Variants in SCUBE1 observed in about 807,000 individuals in gnomAD.
SCUBE1 encodes signal peptide, CUB and EGF-like domain-containing protein 1.
Under a neutral mutation model 124.4 loss-of-function variants are expected in SCUBE1, and 59 were observed. That is an observed-to-expected ratio of 0.47 (90% confidence interval 0.38 to 0.59). The LOEUF is 0.59. SCUBE1 is among the 20% of genes least tolerant of loss of function. The probability of loss-of-function intolerance (pLI) is 0.00; values close to 1 mark genes in which losing one functional copy is unlikely to be tolerated. For synonymous variants in SCUBE1, 545 were observed against 550.9 expected, an observed-to-expected ratio of 0.99 and a Z score of 0.15; for missense variants, 1,150 against 1,371.2, an observed-to-expected ratio of 0.84 and a Z score of 2.55.
rs185530600 is a variant in SCUBE1 at position 43,285,934 on chromosome 22, G to A, written c.484+5112C>T. Among the ~76,000 whole-genome samples the A allele has an allele frequency of 3.1e-4, 47 of 152,344 alleles. No homozygotes were observed. The East Asian group carries it at 7.5e-3, about 24-fold the overall frequency. On this transcript the variant is annotated intron_variant, in intron 4 of 21. Coordinates refer to ENST00000360835, the MANE Select transcript of SCUBE1 (RefSeq NM_173050.5). ...ACCTGGGTGCAAGGACCACCAGCTC[G>A]CTAGTTTGTCGAGGACAAAGCTGGC... is the stretch of plus-strand genomic sequence containing the variant.
chr22:43,342,166 C>G (rs377270910), intron 1 of SCUBE1, among the ~76,000 whole-genome samples: 2 of 145,518 alleles, frequency 1.4e-5, no homozygotes, highest in African/African-American at 2.5e-5. Flanking sequence ...AGCAGAGCAC[C>G]GGAGGAAGCG....
At position 43,246,074 on chromosome 22, in the gene SCUBE1, G is replaced by A. The variant is rs559771039; in HGVS notation, c.728-7120C>T. On this transcript the variant is annotated intron_variant, in intron 6 of 21. Coordinates refer to ENST00000360835, the MANE Select transcript of SCUBE1 (RefSeq NM_173050.5). ...AGATGCCCACCCAGGAGCAAGACAA[G>A]CCGACCTCAGGAGAGGTCTCCTCAC... Among the ~76,000 whole-genome samples, 80 of 152,284 alleles carry A rather than the reference G, an allele frequency of 5.3e-4. 1 individual carries two copies. The East Asian group carries it at 0.014, about 27-fold the overall frequency.
intron 4 of SCUBE1, among the ~76,000 whole-genome samples, chr22:43,279,161 A>G (rs933472269): frequency 2.6e-5 from 4 of 152,128 alleles, no homozygotes; most frequent in Admixed American, 6.5e-5. Flanking sequence ...TGCTGGGGAG[A>G]AACACTAGGT....
intron 8 of SCUBE1, among the ~76,000 whole-genome samples, chr22:43,229,527 T>C (rs1050724117): frequency 3.9e-5 from 6 of 152,132 alleles, no homozygotes; most frequent in African/African-American, 1.4e-4. Flanking sequence ...AGGCATTGAA[T>C]CCACGCCTGC....
chr22:43,207,393 C>T (rs1921333817), intron 21 of SCUBE1, 141 bp downstream of exon 21: 1 of 682,592 alleles, frequency 1.5e-6, no homozygotes, highest in East Asian at 2.7e-5. Flanking sequence ...GCTCTGGGAC[C>T]CCCAAGCCTC....
intron 6 of SCUBE1, among the ~76,000 whole-genome samples, chr22:43,248,976 G>A (rs932249739): frequency 4.6e-5 from 7 of 152,214 alleles, no homozygotes; most frequent in African/African-American, 9.7e-5. Flanking sequence ...CTGAGGGGGG[G>A]CACCAAGCTG....
At chr22:43,286,340 G>C (rs949700205) in intron 4 of SCUBE1, among the ~76,000 whole-genome samples, 1 of 152,260 alleles carries the variant, frequency 6.6e-6, no homozygotes, top group Admixed American at 6.5e-5. Context: ...CTGTGAGCCT[G>C]TGCTGTCTCC....
chr22:43,322,859 T>C (rs1242656468), intron 2 of SCUBE1, among the ~76,000 whole-genome samples: 5 of 152,346 alleles, frequency 3.3e-5, no homozygotes, highest in Admixed American at 3.3e-4. Flanking sequence ...ATCTTGTACC[T>C]CAGAAGGAGG....
At chr22:43,323,455 A>G (rs949070239) in intron 2 of SCUBE1, among the ~76,000 whole-genome samples, 1 of 151,934 alleles carries the variant, frequency 6.6e-6, no homozygotes, top group Admixed American at 6.6e-5. Context: ...CATTTCTCCA[A>G]TCACCTATTC....
rs558540742 is a variant in SCUBE1, at chr22:43,227,093, C to T, written c.1207+281G>A. 5.3e-5 allele frequency among the ~76,000 whole-genome samples: 8 copies of T among 152,334 alleles called. 1 individual carries two copies. In the South Asian group the frequency reaches 1.7e-3, roughly 32 times the overall value. ...CCCTGTGCCCCACGGCTGGGCTGCA[C>T]ATGGACCTGCAGATCTCCTCTGTGC... On this transcript the variant is annotated intron_variant, in intron 10 of 21. Transcript: ENST00000360835.
At chr22:43,228,555 C>T (rs572100041) in intron 9 of SCUBE1, among the ~76,000 whole-genome samples, 6 of 152,322 alleles carry the variant, frequency 3.9e-5, no homozygotes, top group Admixed American at 2.0e-4. Context: ...GCCCCCTATC[C>T]GCATCTTCCT....
At chr22:43,269,354 C>G (rs1200305664) in intron 4 of SCUBE1, among the ~76,000 whole-genome samples, 1 of 152,142 alleles carries the variant, frequency 6.6e-6, no homozygotes, top group Non-Finnish European at 1.5e-5. Context: ...TGCCTGGCCC[C>G]GAGCCAGTGC....
chr22:43,254,600 G>A (rs1278428060), intron 6 of SCUBE1, among the ~76,000 whole-genome samples: 1 of 152,204 alleles, frequency 6.6e-6, no homozygotes, highest in Non-Finnish European at 1.5e-5. Flanking sequence ...GCACCCCAGA[G>A]AACCTTAGCC....
chr22:43,218,792 A>C (rs978215716), intron 14 of SCUBE1, among the ~76,000 whole-genome samples: 1 of 152,234 alleles, frequency 6.6e-6, no homozygotes, highest in African/African-American at 2.4e-5. Flanking sequence ...CACTGTCCCC[A>C]GGATAGTGTC....
chr22:43,242,191 C>T (rs958445639), intron 6 of SCUBE1, among the ~76,000 whole-genome samples: 3 of 152,342 alleles, frequency 2.0e-5, no homozygotes, highest in Non-Finnish European at 1.5e-5. Context: ...CCGAGCACCG[C>T]GTCCCTGGGA....
chr22:43,303,834 A>G (rs1182367529), intron 3 of SCUBE1, among the ~76,000 whole-genome samples: 1 of 152,210 alleles, frequency 6.6e-6, no homozygotes, highest in South Asian at 2.1e-4. Flanking sequence ...AGGAGCATCT[A>G]TTTTGTTTCC....
At chr22:43,316,381 C>T (rs545956500) in intron 3 of SCUBE1, among the ~76,000 whole-genome samples, 2 of 152,322 alleles carry the variant, frequency 1.3e-5, no homozygotes, top group East Asian at 1.9e-4. Flanking sequence ...AAGGGACTGT[C>T]GGCTCTGTCT....
intron 3 of SCUBE1, among the ~76,000 whole-genome samples, chr22:43,303,258 C>T (rs1261757651): frequency 6.6e-6 from 1 of 152,266 alleles, no homozygotes; most frequent in Non-Finnish European, 1.5e-5. Context: ...CATGTGTACA[C>T]CTGTCCTCAC....
At chr22:43,304,264 G>A (rs1314876104) in intron 3 of SCUBE1, among the ~76,000 whole-genome samples, 1 of 152,198 alleles carries the variant, frequency 6.6e-6, no homozygotes, top group Non-Finnish European at 1.5e-5. Context: ...TCCATCTCCA[G>A]CGAACTTCTG....
Sources: allele counts gnomAD v4.1 joint callset (sites outside exome capture counted in the v4.1 genomes callset), GRCh38; gene constraint gnomAD v4.1.1; transcripts MANE v1.5; gene names NCBI Gene and HGNC (gene_info 2026-07-23, HGNC 2026-07-21).